The following KHDRBS1 variants were observed in gnomAD, a reference collection of about 807,000 sequenced individuals.
KHDRBS1 encodes KH RNA binding domain containing, signal transduction associated 1.
In KHDRBS1, 7 loss-of-function variants were observed where a neutral mutation model predicts 48.4. The observed-to-expected ratio is 0.14, with a 90% confidence interval of 0.08 to 0.27. KHDRBS1 has a LOEUF of 0.27. Among genes scored for constraint, KHDRBS1 ranks in the 10% least tolerant of loss-of-function variants. The pLI is 1.00. For synonymous variants in KHDRBS1, 241 were observed against 235.8 expected (o/e 1.02, Z -0.20); for missense variants, 458 against 601.2 (o/e 0.76, Z 2.49).
intron 1 of KHDRBS1, among the ~76,000 whole-genome samples, chr1:32,029,226 T>A (rs1314828987): frequency 1.3e-5 from 2 of 152,238 alleles, no homozygotes; most frequent in Non-Finnish European, 2.9e-5. Flanking sequence ...TACTTTTAGG[T>A]GATGATGGAT....
chr1:32,031,020 A>G lies in KHDRBS1; in HGVS notation c.508-504A>G, dbSNP rs1639071782. On this transcript the variant is annotated intron_variant, in intron 2 of 8. Coordinates refer to ENST00000327300, the MANE Select transcript of KHDRBS1 (RefSeq NM_006559.3). ...TGCCAGCACTTTGGGAGGCCGATGC[A>G]GGCAGATTGCTTGAGCCCAGGAGTT... 2.0e-5 allele frequency among the ~76,000 whole-genome samples: 3 copies of G among 152,136 alleles called. No homozygotes were observed. In the South Asian group the frequency reaches 6.2e-4, roughly 32 times the overall value.
At chr1:32,058,616 T>C (rs1639508971) in intron 10 of KHDRBS1, among the ~76,000 whole-genome samples, 2 of 152,138 alleles carry the variant, frequency 1.3e-5, no homozygotes, top group Admixed American at 6.6e-5. Flanking sequence ...GGGGCCCTGT[T>C]AAGAAACTTG....
chr1:32,030,240 A>C, intron 1 of KHDRBS1, 58 bp from the exon 2 acceptor site: 1 of 1,466,592 alleles, frequency 6.8e-7, no homozygotes, highest in Non-Finnish European at 9.4e-7. Context: ...TGCTTTAAGC[A>C]GACTTCAAAA....
At position 32,016,765 on chromosome 1, in the gene KHDRBS1, TC is replaced by T. The variant is rs572171217; in HGVS notation, c.382+2389del. Reference sequence around the variant, plus strand: ...TATCAGCATCTGTTGCACTATATTGTCGTTATGTACAGTATTTGTTTGTTGA... The same window carrying T: ...TATCAGCATCTGTTGCACTATATTGTGTTATGTACAGTATTTGTTTGTTGA... On this transcript the variant is annotated intron_variant, in intron 1 of 8. Coordinates refer to ENST00000327300, the MANE Select transcript of KHDRBS1 (RefSeq NM_006559.3). Among the ~76,000 whole-genome samples the T allele has an allele frequency of 4.8e-4, 73 of 152,332 alleles. No homozygotes were observed. In the South Asian group the frequency reaches 0.015, roughly 31 times the overall value.
At chr1:32,027,575 A>G (rs1569783422) in intron 1 of KHDRBS1, among the ~76,000 whole-genome samples, 1 of 152,234 alleles carries the variant, frequency 6.6e-6, no homozygotes, top group South Asian at 2.1e-4. Context: ...ACTGTCATTT[A>G]CAGTTCTTCT....
Position 32,013,917 on chromosome 1 carries a change from G to T in KHDRBS1, c.-79G>T, listed in dbSNP as rs1638677015. ...CTTCGGTCGCTACCGCTCCCGCTCTGCCACCCCCGCCAACCGCCGCTCGGG... is the reference window on the plus strand; with the variant it reads ...CTTCGGTCGCTACCGCTCCCGCTCTTCCACCCCCGCCAACCGCCGCTCGGG... On this transcript the variant is annotated 5_prime_UTR_variant, in exon 1 of 9. Transcript: ENST00000327300. The T allele has an allele frequency of 1.5e-6, 2 of 1,297,136 alleles. No individual in the cohort carries two copies. The highest frequency in any genetic ancestry group is 2.0e-6 in the Non-Finnish European group (2 of 1,012,906). 80.4% of individuals were successfully genotyped at this position (1,297,136 alleles called of 1,614,324 possible).
At chr1:32,036,075 T>G (rs2124382635) in intron 4 of KHDRBS1, among the ~76,000 whole-genome samples, 1 of 152,246 alleles carries the variant, frequency 6.6e-6, no homozygotes, top group East Asian at 1.9e-4. Context: ...CTCTGTGTTC[T>G]TAAGCTGGTT....
chr1:32,047,005 T>G (rs543886085), downstream of KHDRBS1, among the ~76,000 whole-genome samples: 37 of 152,288 alleles, frequency 2.4e-4, no homozygotes, highest in Non-Finnish European at 4.6e-4. Context: ...ATTAGAAGTT[T>G]GGGGAAACCT....
chr1:32,017,824 C>T (rs1638774290), intron 1 of KHDRBS1, among the ~76,000 whole-genome samples: 1 of 151,944 alleles, frequency 6.6e-6, no homozygotes, highest in South Asian at 2.1e-4. Context: ...TCAGGCTGGT[C>T]TCAAACTCCC....
downstream of KHDRBS1, among the ~76,000 whole-genome samples, chr1:32,046,581 G>A (rs955949068): frequency 2.0e-5 from 3 of 152,194 alleles, no homozygotes; most frequent in African/African-American, 7.2e-5. Flanking sequence ...AAGAAAGGAT[G>A]TGGAGTTTGA....
In KHDRBS1 at chr1:32,042,702, T is replaced by G; in HGVS notation, c.*78T>G. 1 of 880,228 alleles carries G rather than the reference T, an allele frequency of 1.1e-6. No homozygotes were observed. The highest frequency in any genetic ancestry group is 1.4e-5 in the South Asian group (1 of 71,640). The allele number at this position is 880,228 out of a possible 1,614,324, so 54.5% of individuals were successfully genotyped here. On this transcript the variant is annotated 3_prime_UTR_variant, in exon 9 of 9. Transcript: ENST00000327300. ...TTGTATCTCCCAGGATTCCTGTTGCTTTACCCACAACAGACAAGTAATTGT... is the reference window on the plus strand; with the variant it reads ...TTGTATCTCCCAGGATTCCTGTTGCGTTACCCACAACAGACAAGTAATTGT...
chr1:32,058,555 A>T (rs1430667916), intron 10 of KHDRBS1, among the ~76,000 whole-genome samples: 1 of 152,186 alleles, frequency 6.6e-6, no homozygotes, highest in African/African-American at 2.4e-5. Context: ...TGGAAAATGA[A>T]ATTATTCAAT....
Position 32,030,436 on chromosome 1 carries a change from T to C in KHDRBS1, c.507+14T>C, listed in dbSNP as rs1398809719. On this transcript the variant is annotated intron_variant, in intron 2 of 8. Transcript: ENST00000327300. The stretch of plus-strand genomic sequence containing the variant: ...CAGTATCCCAAGGTAAGGCAAAAAG[T>C]GCTTTGGATCTTTGAGTTATCTTTA... 2 of 1,593,440 alleles carry C rather than the reference T, an allele frequency of 1.3e-6. No individual in the cohort carries two copies. The highest frequency in any genetic ancestry group is 1.7e-6 in the Non-Finnish European group (2 of 1,171,916).
chr1:32,028,807 T>C (rs1176514641), intron 1 of KHDRBS1, among the ~76,000 whole-genome samples: 1 of 136,922 alleles, frequency 7.3e-6, no homozygotes, highest in Non-Finnish European at 1.6e-5. Flanking sequence ...ACCTGGCCTA[T>C]TTTTTTTTTT....
At chr1:32,042,443 T>G in intron 8 of KHDRBS1, 84 bp from the exon 9 acceptor site, 1 of 814,850 alleles carries the variant, frequency 1.2e-6, no homozygotes, top group Non-Finnish European at 2.1e-6. Context: ...GTGTTTTTGG[T>G]GATCTTTACT....
chr1:32,049,050 T>G (rs920325210), intron 10 of KHDRBS1, among the ~76,000 whole-genome samples: 6 of 151,398 alleles, frequency 4.0e-5, no homozygotes, highest in African/African-American at 1.5e-4. Context: ...TTTGTTTTTT[T>G]TTTGTTTTTT....
At chr1:32,046,926 G>T (rs1472431688), downstream of KHDRBS1, among the ~76,000 whole-genome samples, 1 of 152,158 alleles carries the variant, frequency 6.6e-6, no homozygotes, top group Non-Finnish European at 1.5e-5. Flanking sequence ...GAAATTTAGC[G>T]TGGGGAATCC....
chr1:32,044,007 GATTTT>G (rs1159397404), downstream of KHDRBS1: 3 of 152,210 alleles, frequency 2.0e-5, no homozygotes, highest in East Asian at 1.9e-4. Context: ...TGGTGGGGGG[GATTTT>G]ATTTTAAGTT....
At chr1:32,041,575 G>A (rs1402485171) in intron 8 of KHDRBS1, among the ~76,000 whole-genome samples, 3 of 145,346 alleles carry the variant, frequency 2.1e-5, no homozygotes, top group South Asian at 4.3e-4. Flanking sequence ...AGGAGATAAG[G>A]AATTATCCTT....
Sources: allele counts gnomAD v4.1 joint callset (sites outside exome capture counted in the v4.1 genomes callset), GRCh38; gene constraint gnomAD v4.1.1; transcripts MANE v1.5; gene names NCBI Gene and HGNC (gene_info 2026-07-23, HGNC 2026-07-21).